The following KATNIP variants were observed in gnomAD, a reference collection of about 807,000 sequenced individuals.
The protein encoded by KATNIP is katanin interacting protein.
A neutral mutation model predicts 174.0 loss-of-function variants in KATNIP; 126 were observed. The observed-to-expected ratio is 0.72, with a 90% CI of 0.63 to 0.84. The LOEUF (loss-of-function observed/expected upper bound fraction) is 0.84. Among genes scored for constraint, KATNIP ranks in the 40% least tolerant of loss-of-function variants. The pLI is 0.00. For synonymous variants in KATNIP, 810 were observed against 835.7 expected (o/e 0.97, Z 0.53); for missense variants, 1,958 against 2,109.7 (o/e 0.93, Z 1.41).
chr16:27,778,777 G>A lies in KATNIP; in HGVS notation c.*148G>A, dbSNP rs1025997767. On this transcript the variant is annotated 3_prime_UTR_variant, in exon 28 of 28. Coordinates refer to ENST00000261588, the MANE Select transcript of KATNIP (RefSeq NM_015202.5). ...CCCGCTGGGAAGAGGGGACTCGGGAGGACAGCCCTGGATACTACCAGAGTG... is the reference window on the plus strand; with the variant it reads ...CCCGCTGGGAAGAGGGGACTCGGGAAGACAGCCCTGGATACTACCAGAGTG... 2 of 660,110 alleles carry A rather than the reference G, an allele frequency of 3.0e-6. No homozygotes were observed. The highest frequency in any genetic ancestry group is 5.1e-6 in the Non-Finnish European group (2 of 389,906). The allele number at this position is 660,110 out of a possible 1,614,324, so 40.9% of individuals were successfully genotyped here.
chr16:27,677,984 C>T lies in KATNIP; in HGVS notation c.796C>T (p.Pro266Ser), dbSNP rs1010527514. 2 of 1,613,800 alleles carry T rather than the reference C, an allele frequency of 1.2e-6. No homozygotes were observed. The highest frequency in any genetic ancestry group is 1.3e-5 in the African/African-American group (1 of 75,060). ...PDTLVVLEFN[P>S]ASKSHKRERN... ...CACCCTCGTGGTGCTGGAATTTAACCCAGCTTCCAAAAGTGAGCTCTGTCT... is the reference window on the plus strand; with the variant it reads ...CACCCTCGTGGTGCTGGAATTTAACTCAGCTTCCAAAAGTGAGCTCTGTCT... Residue 266 changes from proline to serine, a missense_variant, in exon 7 of 28, where the codon CCA becomes TCA. This residue lies in a region of KATNIP where 1,557 missense variants were observed against 1,617.8 expected (regional missense o/e 0.96). Transcript: ENST00000261588.
chr16:27,680,432 A>C (rs1450075688), intron 7 of KATNIP, among the ~76,000 whole-genome samples: 1 of 152,216 alleles, frequency 6.6e-6, no homozygotes, highest in Non-Finnish European at 1.5e-5. Context: ...GTGAAGAACC[A>C]GGCCACAGAA....
At chr16:27,707,099 A>G (rs774254167) in intron 12 of KATNIP, among the ~76,000 whole-genome samples, 2 of 152,160 alleles carry the variant, frequency 1.3e-5, no homozygotes, top group Non-Finnish European at 2.9e-5. Flanking sequence ...TGTGGCAATC[A>G]AGGCCCCTCC....
intron 2 of KATNIP, among the ~76,000 whole-genome samples, chr16:27,595,264 G>A (rs1406039093): frequency 1.3e-5 from 2 of 152,194 alleles, no homozygotes; most frequent in Non-Finnish European, 2.9e-5. Flanking sequence ...GCACACACCT[G>A]TAATCATAAC....
At chr16:27,595,830 C>T (rs1028010350) in intron 2 of KATNIP, among the ~76,000 whole-genome samples, 13 of 152,144 alleles carry the variant, frequency 8.5e-5, no homozygotes, top group Non-Finnish European at 1.6e-4. Flanking sequence ...AAGGGCCTTG[C>T]TGAGAATGTG....
chr16:27,552,914 A>T (rs1003371499), intron 1 of KATNIP, among the ~76,000 whole-genome samples: 9 of 152,004 alleles, frequency 5.9e-5, no homozygotes, highest in African/African-American at 2.2e-4. Context: ...GGCTGGTCTC[A>T]AACTGCCAAC....
intron 2 of KATNIP, among the ~76,000 whole-genome samples, chr16:27,603,584 C>T (rs946554715): frequency 2.6e-5 from 4 of 152,098 alleles, no homozygotes; most frequent in African/African-American, 9.7e-5. Flanking sequence ...CCCTCCCCTT[C>T]CTCCTGCATT....
chr16:27,770,315 G>A (rs776420595), intron 21 of KATNIP, among the ~76,000 whole-genome samples: 1 of 152,226 alleles, frequency 6.6e-6, no homozygotes, highest in Non-Finnish European at 1.5e-5. Context: ...AGAAATGCCT[G>A]CCGGCCAGTT....
At chr16:27,773,687 TTTCA>T (rs2082390722) in intron 23 of KATNIP, among the ~76,000 whole-genome samples, 1 of 152,018 alleles carries the variant, frequency 6.6e-6, no homozygotes, top group East Asian at 1.9e-4. Context: ...AATCACGAGG[TTTCA>T]CATGAAAACC....
intron 10 of KATNIP, among the ~76,000 whole-genome samples, chr16:27,701,177 A>G (rs942908149): frequency 7.2e-5 from 11 of 151,844 alleles, no homozygotes; most frequent in African/African-American, 2.7e-4. Context: ...TTATTTTTTG[A>G]GACAGTGTCT....
At chr16:27,606,851 C>T (rs558729015) in intron 2 of KATNIP, among the ~76,000 whole-genome samples, 1 of 152,008 alleles carries the variant, frequency 6.6e-6, no homozygotes, top group South Asian at 2.1e-4. Flanking sequence ...TAGGCATGAG[C>T]CATCGTGCCT....
Position 27,754,222 on chromosome 16 carries a change from C to T in KATNIP, c.3602C>T (p.Thr1201Met), listed in dbSNP as rs754317109. 52 of 1,614,062 alleles carry T rather than the reference C, an allele frequency of 3.2e-5. No individual in the cohort carries two copies. Among genetic ancestry groups the T allele is most frequent in the African/African-American group, 6.7e-5 (5 of 74,946 alleles). ...AGTTCCCCTGTCCCCCAAGTCACCA[C>T]GCCAGAGCCAGGCATCTACCACGGA... The part of the protein sequence containing the change: ...PSSSPVPQVT[T>M]PEPGIYHGIC... The change falls in exon 18 of 28, where the codon ACG becomes ATG. Residue 1201 changes from threonine to methionine, a missense_variant. Coordinates refer to ENST00000261588, the MANE Select transcript of KATNIP (RefSeq NM_015202.5).
intron 14 of KATNIP, among the ~76,000 whole-genome samples, chr16:27,736,350 C>T (rs934028669): frequency 1.3e-5 from 2 of 152,158 alleles, no homozygotes; most frequent in Non-Finnish European, 2.9e-5. Context: ...ACAAGACGGG[C>T]AGGGCTTCAG....
At chr16:27,597,402 C>CTTT (rs36005993) in intron 2 of KATNIP, among the ~76,000 whole-genome samples, 19 of 46,138 alleles carry the variant, frequency 4.1e-4, no homozygotes, top group East Asian at 1.9e-3. Context: ...ATTTTCTTTT[C>CTTT]TTTTTTTTTT....
chr16:27,633,308 A>G (rs1302827630), intron 5 of KATNIP, among the ~76,000 whole-genome samples: 2 of 151,422 alleles, frequency 1.3e-5, no homozygotes, highest in African/African-American at 4.9e-5. Context: ...CTCAGGCCCC[A>G]CCCCCGGAGA....
At chr16:27,689,875 G>A (rs1481025086) in intron 8 of KATNIP, among the ~76,000 whole-genome samples, 1 of 152,142 alleles carries the variant, frequency 6.6e-6, no homozygotes, top group Admixed American at 6.5e-5. Context: ...GGCTAGGACA[G>A]CCCATCTTGG....
chr16:27,625,251 A>G (rs1431773217), intron 3 of KATNIP, among the ~76,000 whole-genome samples: 2 of 152,206 alleles, frequency 1.3e-5, no homozygotes, highest in Middle Eastern at 3.4e-3. Flanking sequence ...ATAAATCTAC[A>G]TTTTCATAAA....
intron 8 of KATNIP, among the ~76,000 whole-genome samples, chr16:27,693,186 GC>G (rs1195577299): frequency 6.6e-6 from 1 of 152,082 alleles, no homozygotes; most frequent in Non-Finnish European, 1.5e-5. Context: ...CTCATTCTCA[GC>G]CCATGTTTGC....
In KATNIP at chr16:27,703,998, G is replaced by A; in HGVS notation, c.1389G>A (p.Glu463=). 6.2e-7 allele frequency: 1 copy of A among 1,612,496 alleles called. No homozygotes were observed. Among genetic ancestry groups the A allele is most frequent in the Non-Finnish European group, 8.5e-7 (1 of 1,178,486 alleles). ...SPTKEQVSDT[E]DKQRMRADEI... ...CCAAGGAGCAAGTATCAGACACAGA[G>A]GTGAGAGCCTTGACTTGATTTTCAG... Residue 463 remains glutamate, a splice_region_variant and synonymous_variant, in exon 12 of 28, where the codon GAG becomes GAA. Transcript: ENST00000261588.
Sources: gnomAD v4.1 joint callset for allele counts (sites outside exome capture counted in the v4.1 genomes callset) on GRCh38, gnomAD v4.1.1 for gene constraint, gnomAD v4.1.1 regional missense constraint, MANE v1.5 for transcripts, NCBI Gene and HGNC (gene_info 2026-07-23, HGNC 2026-07-21) for gene names.